The following GABBR2 variants were observed in gnomAD, a reference collection of about 807,000 sequenced individuals.
GABBR2 encodes the protein gamma-aminobutyric acid type B receptor subunit 2.
GABBR2 carries 23 observed loss-of-function variants against 105.6 expected under a neutral mutation model. That is an observed-to-expected ratio of 0.22 (90% CI 0.16 to 0.31). The LOEUF (loss-of-function observed/expected upper bound fraction) is 0.31. GABBR2 is among the 10% of genes least tolerant of loss of function. The pLI, the probability that GABBR2 is intolerant of heterozygous loss-of-function variation, is 1.00. For synonymous variants in GABBR2, 478 were observed against 499.7 expected (o/e 0.96, Z 0.58); for missense variants, 734 against 1,245.5 (o/e 0.59, Z 6.18).
rs549007386 is a variant in GABBR2 at position 98,445,185 on chromosome 9, C to T, written c.1236+8796G>A. Among the ~76,000 whole-genome samples, 185 of 152,230 alleles carry T rather than the reference C, an allele frequency of 1.2e-3. 1 individual carries two copies. The highest frequency in any genetic ancestry group is 3.9e-3 in the African/African-American group (163 of 41,530). On this transcript the variant is annotated intron_variant, in intron 7 of 18. Transcript: ENST00000259455. ...CAGGCATAAAGGGCCAGGTGAAGTA[C>T]GAGGGGATCAGAGAAAGGAAGGGCT...
chr9:98,585,504 G>T (rs1333189697), intron 1 of GABBR2, among the ~76,000 whole-genome samples: 1 of 130,392 alleles, frequency 7.7e-6, no homozygotes, highest in Non-Finnish European at 1.6e-5. Context: ...GGTGGGGGGA[G>T]TGGGGAGGGA....
intron 13 of GABBR2, among the ~76,000 whole-genome samples, chr9:98,325,784 G>A (rs1830912076): frequency 6.6e-6 from 1 of 152,150 alleles, no homozygotes; most frequent in Non-Finnish European, 1.5e-5. Context: ...CAGATTGCAT[G>A]GTTAATGTCC....
At chr9:98,543,806 T>C (rs746402532) in intron 2 of GABBR2, among the ~76,000 whole-genome samples, 9 of 152,188 alleles carry the variant, frequency 5.9e-5, no homozygotes, top group Non-Finnish European at 1.2e-4. Context: ...TGATATAAGT[T>C]GCTAATTTTT....
At chr9:98,681,264 A>G (rs1187804164) in intron 1 of GABBR2, among the ~76,000 whole-genome samples, 1 of 125,660 alleles carries the variant, frequency 8.0e-6, no homozygotes, top group African/African-American at 3.1e-5. Flanking sequence ...ATGCAGCCAT[A>G]AAAAATGATG....
intron 9 of GABBR2, among the ~76,000 whole-genome samples, chr9:98,393,369 A>ATC (rs777319229): frequency 2.8e-5 from 4 of 143,640 alleles, no homozygotes; most frequent in East Asian, 2.0e-4. Flanking sequence ...CCATCCATCC[A>ATC]CACACCCACT....
intron 1 of GABBR2, among the ~76,000 whole-genome samples, chr9:98,685,446 A>G (rs966390341): frequency 5.9e-5 from 9 of 152,192 alleles, no homozygotes; most frequent in African/African-American, 2.2e-4. Flanking sequence ...CATCTATCCT[A>G]TTAGTCCTGA....
chr9:98,334,230 A>C (rs908749907), intron 13 of GABBR2, among the ~76,000 whole-genome samples: 4 of 152,252 alleles, frequency 2.6e-5, no homozygotes, highest in Admixed American at 2.0e-4. Context: ...GATGTGAAAG[A>C]GATTTAAGCA....
chr9:98,686,328 G>A (rs1160444543), intron 1 of GABBR2, among the ~76,000 whole-genome samples: 2 of 152,112 alleles, frequency 1.3e-5, no homozygotes, highest in Non-Finnish European at 2.9e-5. Context: ...TTGGAACTGA[G>A]CCCAGTTCTA....
chr9:98,377,682 G>A (rs1295630227), intron 11 of GABBR2, among the ~76,000 whole-genome samples: 1 of 152,138 alleles, frequency 6.6e-6, no homozygotes, highest in Non-Finnish European at 1.5e-5. Flanking sequence ...GCCCACATGT[G>A]GGGTGTCTGG....
intron 3 of GABBR2, among the ~76,000 whole-genome samples, chr9:98,513,873 G>A (rs1183335549): frequency 6.6e-6 from 1 of 152,174 alleles, no homozygotes; most frequent in Non-Finnish European, 1.5e-5. Flanking sequence ...TCTAGAAGTA[G>A]AAATACCATT....
At chr9:98,438,478 T>C (rs1825973649) in intron 7 of GABBR2, among the ~76,000 whole-genome samples, 1 of 152,222 alleles carries the variant, frequency 6.6e-6, no homozygotes, top group Admixed American at 6.5e-5. Flanking sequence ...ACTTCAATTA[T>C]AGTCCAGGCC....
Position 98,599,969 on chromosome 9 carries a change from G to C in GABBR2, c.322-21897C>G, listed in dbSNP as rs552219309. ...TTAATAGAAACTGCCTGGATGCAGA[G>C]AGTGGGAATGCGAAGAGTCAATTAA... On this transcript the variant is annotated intron_variant, in intron 1 of 18. Coordinates refer to ENST00000259455, the MANE Select transcript of GABBR2 (RefSeq NM_005458.8). Among the ~76,000 whole-genome samples, 9 of 152,320 alleles carry C rather than the reference G, an allele frequency of 5.9e-5. No individual in the cohort carries two copies. In the South Asian group the frequency reaches 1.7e-3, roughly 28 times the overall value.
intron 3 of GABBR2, 77 bp from the exon 4 acceptor site, chr9:98,496,591 G>A: frequency 1.0e-6 from 1 of 952,570 alleles, no homozygotes. Flanking sequence ...TCACCCTGGG[G>A]AAGTCAATTG....
chr9:98,393,089 C>T (rs62641797), intron 9 of GABBR2, among the ~76,000 whole-genome samples: 4 of 143,896 alleles, frequency 2.8e-5, no homozygotes, highest in African/African-American at 1.1e-4. Context: ...CACTCATCCA[C>T]CCAACCATCC....
intron 1 of GABBR2, among the ~76,000 whole-genome samples, chr9:98,626,431 A>G (rs1002909331): frequency 6.6e-6 from 1 of 152,192 alleles, no homozygotes; most frequent in Non-Finnish European, 1.5e-5. Context: ...AAAAGCTGTT[A>G]TTTTTTTAAA....
Position 98,557,054 on chromosome 9 carries a change from A to G in GABBR2, c.460-15011T>C, listed in dbSNP as rs112192793. On this transcript the variant is annotated intron_variant, in intron 2 of 18. Coordinates refer to ENST00000259455, the MANE Select transcript of GABBR2 (RefSeq NM_005458.8). ...GCAAGACCCTACTTCAAAAATAAAT[A>G]AGTAAACACACTGAGAACTTGGAAT... Among the ~76,000 whole-genome samples, 792 of 152,214 alleles carry G rather than the reference A, an allele frequency of 5.2e-3. 6 individuals carry two copies. Among genetic ancestry groups the G allele is most frequent in the African/African-American group, 0.018 (747 of 41,548 alleles).
chr9:98,449,045 A>C (rs1246221384), intron 7 of GABBR2, among the ~76,000 whole-genome samples: 1 of 152,190 alleles, frequency 6.6e-6, no homozygotes, highest in African/African-American at 2.4e-5. Flanking sequence ...GTGCATCTTG[A>C]TTAGGAAAGC....
intron 1 of GABBR2, among the ~76,000 whole-genome samples, chr9:98,589,631 C>T (rs1168373992): frequency 6.6e-6 from 1 of 151,858 alleles, no homozygotes; most frequent in African/African-American, 2.4e-5. Flanking sequence ...AAGTGTTCTC[C>T]TATCATTCAA....
chr9:98,550,167 TC>T (rs1043339694), intron 2 of GABBR2, among the ~76,000 whole-genome samples: 4 of 152,176 alleles, frequency 2.6e-5, no homozygotes, highest in African/African-American at 9.7e-5. Context: ...TTCCCAGTTA[TC>T]CCACCTGATC....
Sources: allele counts gnomAD v4.1 joint callset (sites outside exome capture counted in the v4.1 genomes callset), GRCh38; gene constraint gnomAD v4.1.1; transcripts MANE v1.5; gene names NCBI Gene and HGNC (gene_info 2026-07-23, HGNC 2026-07-21).